ZNF292: variants seen among roughly 807,000 people sequenced by gnomAD.
ZNF292 encodes zinc finger protein 292.
In ZNF292, 26 loss-of-function variants were observed where a neutral mutation model predicts 217.9. The ratio of observed to expected loss-of-function variants is 0.12; its 90% confidence interval spans 0.09 to 0.17. The LOEUF (loss-of-function observed/expected upper bound fraction) is 0.17, where lower values mean the gene tolerates loss of function less well. Ranked by LOEUF, ZNF292 falls within the 10% of genes least tolerant of loss-of-function variation. The pLI is 1.00. For missense variants in ZNF292, 2,904 were observed against 3,175.2 expected, an observed-to-expected ratio of 0.91 and a Z score of 2.05; for synonymous variants, 1,257 against 1,124.1, an observed-to-expected ratio of 1.12 and a Z score of -2.37.
intron 1 of ZNF292, among the ~76,000 whole-genome samples, chr6:87,180,501 A>G (rs992397218): frequency 2.0e-5 from 3 of 152,192 alleles, no homozygotes; most frequent in African/African-American, 7.2e-5. Context: ...TTTTCCCAGC[A>G]TGAGGCTGCA....
rs761018540 is a variant in ZNF292 at position 87,260,550 on chromosome 6, C to A, written c.6921C>A (p.Asn2307Lys). 4 of 1,612,594 alleles carry A rather than the reference C, an allele frequency of 2.5e-6. No homozygotes were observed. The highest frequency in any genetic ancestry group is 3.4e-6 in the Non-Finnish European group (4 of 1,179,540). ...AGGAAAATATGTCAAGCAAGGCAAA[C>A]CAAGAAAAATCAAAGTCTAAACATC... ...PGQENMSSKA[N>K]QEKSKSKHRG... The change falls in exon 8 of 8, where the codon AAC becomes AAA. Residue 2307 changes from asparagine to lysine, a missense_variant. Transcript: ENST00000369577.
chr6:87,258,258 A>G lies in ZNF292; in HGVS notation c.4629A>G (p.Pro1543=), dbSNP rs1202743629. Reference sequence around the variant, plus strand: ...CCCTGTTGCACACTGTATGCCATCCAAACACCTTGCTGACCAACCAGAATA... The same window carrying G: ...CCCTGTTGCACACTGTATGCCATCCGAACACCTTGCTGACCAACCAGAATA... ...VPPLLHTVCH[P]NTLLTNQNRT... The change falls in exon 8 of 8, where the codon CCA becomes CCG. Residue 1543 remains proline (P), a synonymous_variant. Coordinates refer to ENST00000369577, the MANE Select transcript of ZNF292 (RefSeq NM_015021.3). The G allele has an allele frequency of 1.2e-5, 19 of 1,613,198 alleles. No individual in the cohort carries two copies. The highest frequency in any genetic ancestry group is 1.4e-5 in the Non-Finnish European group (17 of 1,179,624).
chr6:87,203,303 G>A (rs1244010713), intron 1 of ZNF292, among the ~76,000 whole-genome samples: 4 of 151,542 alleles, frequency 2.6e-5, no homozygotes, highest in African/African-American at 9.7e-5. Flanking sequence ...CACCATATCT[G>A]GCTAACTTTT....
chr6:87,258,292 A>T lies in ZNF292; in HGVS notation c.4663A>T (p.Asn1555Tyr), dbSNP rs369966801. 3 of 1,613,542 alleles carry T rather than the reference A, an allele frequency of 1.9e-6. No individual in the cohort carries two copies. The highest frequency in any genetic ancestry group is 2.5e-6 in the Non-Finnish European group (3 of 1,179,736). The change falls in exon 8 of 8, where the codon AAC (asparagine) becomes TAC (tyrosine). Residue 1555 changes from asparagine (N) to tyrosine (Y), a missense_variant. This residue lies in a region of ZNF292 where 622 missense variants were observed against 573.1 expected (regional missense o/e 1.09). Coordinates refer to ENST00000369577, the MANE Select transcript of ZNF292 (RefSeq NM_015021.3). ...GCTGACCAACCAGAATAGGACGTCAAACTCCAAAACTTCCTCCATTGAGGA... is the reference window on the plus strand; with the variant it reads ...GCTGACCAACCAGAATAGGACGTCATACTCCAAAACTTCCTCCATTGAGGA... ...TLLTNQNRTS[N>Y]SKTSSIEECS... is the part of the protein sequence containing the mutation.
rs75871229 is a variant in ZNF292, at chr6:87,174,519, G to A, written c.168+18760G>A. 4.7e-3 allele frequency among the ~76,000 whole-genome samples: 718 copies of A among 152,276 alleles called. 7 individuals carry two copies. The highest frequency in any genetic ancestry group is 0.016 in the African/African-American group (674 of 41,536). ...CAGGGGTCATGAGGGGAGTTAAAGT[G>A]TAGTTCTCTTCTGACAGTATTTTCT... On this transcript the variant is annotated intron_variant, in intron 1 of 7. Transcript: ENST00000369577.
intron 1 of ZNF292, among the ~76,000 whole-genome samples, chr6:87,190,987 A>G (rs961902262): frequency 2.0e-5 from 3 of 152,210 alleles, no homozygotes; most frequent in East Asian, 1.9e-4. Context: ...ACATTTTCCT[A>G]TGCATTCACA....
Position 87,239,826 on chromosome 6 carries a change from G to A in ZNF292, c.742-3649G>A, listed in dbSNP as rs564410703. On this transcript the variant is annotated intron_variant, in intron 5 of 7. Transcript: ENST00000369577. ...GAGCAGAGACGCTCCTCACTTCCTA[G>A]ACGGGATGGCGGCCGGGAAGAGGCG... Among the ~76,000 whole-genome samples, 4 of 151,984 alleles carry A rather than the reference G, an allele frequency of 2.6e-5. No homozygotes were observed. The East Asian group carries it at 7.8e-4, about 30-fold the overall frequency.
At chr6:87,166,662 T>G (rs1770926540) in intron 1 of ZNF292, among the ~76,000 whole-genome samples, 1 of 152,246 alleles carries the variant, frequency 6.6e-6, no homozygotes, top group Admixed American at 6.5e-5. Context: ...GTTATGTTGC[T>G]TGTATAGCAT....
In ZNF292 at chr6:87,197,370, T is replaced by C. The variant is rs186418823; in HGVS notation, c.169-18533T>C. Among the ~76,000 whole-genome samples the C allele has an allele frequency of 1.5e-3, 224 of 152,174 alleles. 2 individuals carry two copies. The highest frequency in any genetic ancestry group is 5.2e-3 in the African/African-American group (215 of 41,524). ...GCAGTAGGTTAGGTAGTACCATAAA[T>C]GTTTTTGAAACCTGAGTACAATTTG... On this transcript the variant is annotated intron_variant, in intron 1 of 7. Coordinates refer to ENST00000369577, the MANE Select transcript of ZNF292 (RefSeq NM_015021.3).
intron 1 of ZNF292, among the ~76,000 whole-genome samples, chr6:87,184,905 C>T (rs542780511): frequency 6.6e-6 from 1 of 152,222 alleles, no homozygotes; most frequent in South Asian, 2.1e-4. Flanking sequence ...TCCTAACTCT[C>T]AGAGACCAAT....
chr6:87,238,955 C>G (rs1170386137), intron 5 of ZNF292, among the ~76,000 whole-genome samples: 1 of 152,162 alleles, frequency 6.6e-6, no homozygotes, highest in Admixed American at 6.5e-5. Flanking sequence ...CCATTTAACC[C>G]TGAGTGGACA....
chr6:87,244,966 C>A (rs192260586), intron 6 of ZNF292, among the ~76,000 whole-genome samples: 8 of 152,194 alleles, frequency 5.3e-5, no homozygotes, highest in Admixed American at 5.2e-4. Context: ...GCTGGCCGGG[C>A]ACAGTGGCTC....
chr6:87,187,714 C>CAAAA (rs10687268), intron 1 of ZNF292, among the ~76,000 whole-genome samples: 1,570 of 96,388 alleles, frequency 0.016, 46 homozygotes, highest in African/African-American at 0.037. Context: ...GACTCTGCCT[C>CAAAA]AAAAAAAAAA....
Position 87,254,614 on chromosome 6 carries a change from A to T in ZNF292, c.1021-36A>T, listed in dbSNP as rs776381960. 4.6e-6 allele frequency: 7 copies of T among 1,520,012 alleles called. 1 individual carries two copies. The highest frequency in any genetic ancestry group is 6.2e-6 in the Non-Finnish European group (7 of 1,121,934). The allele number at this position is 1,520,012 out of a possible 1,614,324, so 94.2% of individuals were successfully genotyped here. Reference sequence around the variant, plus strand: ...GAAATAAATTAGTGTTGATTAGTGTAGATTAAATTAACATTTCCTATTTGC... The same window carrying T: ...GAAATAAATTAGTGTTGATTAGTGTTGATTAAATTAACATTTCCTATTTGC... On this transcript the variant is annotated intron_variant, in intron 7 of 7. Transcript: ENST00000369577.
chr6:87,160,611 AC>A (rs1770708833), intron 1 of ZNF292, among the ~76,000 whole-genome samples: 1 of 151,706 alleles, frequency 6.6e-6, no homozygotes, highest in African/African-American at 2.4e-5. Context: ...ATACATATAT[AC>A]GATGTGTGTG....
intron 1 of ZNF292, among the ~76,000 whole-genome samples, chr6:87,209,042 AG>A (rs1277308944): frequency 6.6e-6 from 1 of 151,706 alleles, no homozygotes; most frequent in Non-Finnish European, 1.5e-5. Flanking sequence ...GGAGGAAATC[AG>A]GGAGGCTTAA....
At chr6:87,166,027 G>T (rs535919892) in intron 1 of ZNF292, among the ~76,000 whole-genome samples, 76 of 152,018 alleles carry the variant, frequency 5.0e-4, no homozygotes, top group Non-Finnish European at 8.5e-4. Flanking sequence ...CAAACTGTTG[G>T]GATTACAGGC....
At chr6:87,174,521 A>G (rs1242862723) in intron 1 of ZNF292, among the ~76,000 whole-genome samples, 1 of 152,186 alleles carries the variant, frequency 6.6e-6, no homozygotes, top group Non-Finnish European at 1.5e-5. Context: ...GTTAAAGTGT[A>G]GTTCTCTTCT....
In ZNF292 at chr6:87,261,139, G is replaced by A. The variant is rs775426263; in HGVS notation, c.7510G>A (p.Ala2504Thr). 35 of 1,612,834 alleles carry A rather than the reference G, an allele frequency of 2.2e-5. No homozygotes were observed. The highest frequency in any genetic ancestry group is 2.0e-4 in the African/African-American group (15 of 74,848). ...AGATAGCACAAGTGTAGAGACCCAA[G>A]CTAATACTTCTTCAAATGTAAGTAA... ...NEDSTSVETQ[A>T]NTSSNVSNDF... The change falls in exon 8 of 8, where the codon GCT (alanine) becomes ACT (threonine). Residue 2504 changes from alanine (A) to threonine (T), a missense_variant. By Grantham distance (58) the Ala-to-Thr change is moderately conservative (BLOSUM62 0). Transcript: ENST00000369577.
Sources: gnomAD v4.1 joint callset for allele counts (sites outside exome capture counted in the v4.1 genomes callset) on GRCh38, gnomAD v4.1.1 for gene constraint, gnomAD v4.1.1 regional missense constraint, MANE v1.5 for transcripts, NCBI Gene and HGNC (gene_info 2026-07-23, HGNC 2026-07-21) for gene names.